The following UGGT2 variants were observed in gnomAD, a reference collection of about 807,000 sequenced individuals.
UGGT2 encodes the protein UDP-glucose:glycoprotein glucosyltransferase 2.
In UGGT2, 180 loss-of-function variants were observed where a neutral mutation model predicts 192.1. The ratio of observed to expected loss-of-function variants is 0.94; its 90% CI spans 0.83 to 1.06. The LOEUF (loss-of-function observed/expected upper bound fraction) is 1.06. Ranked by LOEUF, UGGT2 falls within the 50% of genes least tolerant of loss-of-function variation. The pLI is 0.00. For synonymous variants in UGGT2, 580 were observed against 591.0 expected, an observed-to-expected ratio of 0.98 and a Z score of 0.27; for missense variants, 1,849 against 1,795.7, an observed-to-expected ratio of 1.03 and a Z score of -0.54.
intron 30 of UGGT2, among the ~76,000 whole-genome samples, chr13:95,866,093 T>C (rs1890630676): frequency 6.6e-6 from 1 of 152,146 alleles, no homozygotes; most frequent in African/African-American, 2.4e-5. Context: ...CTGTCTCTAT[T>C]GCATTTGGTA....
intron 10 of UGGT2, among the ~76,000 whole-genome samples, chr13:95,983,062 T>G (rs1007647999): frequency 6.6e-6 from 1 of 152,176 alleles, no homozygotes; most frequent in Admixed American, 6.5e-5. Context: ...ATTAGAAAAG[T>G]AAACACTAGC....
chr13:95,832,587 C>T (rs1886827274), intron 38 of UGGT2: 7 of 343,036 alleles, frequency 2.0e-5, no homozygotes, highest in South Asian at 1.7e-4. Context: ...ATTTTTAGGA[C>T]TTGCTCAAAT....
At chr13:95,915,498 CAA>C (rs1227925121) in intron 20 of UGGT2, among the ~76,000 whole-genome samples, 8 of 152,188 alleles carry the variant, frequency 5.3e-5, no homozygotes, top group Non-Finnish European at 4.4e-5. Flanking sequence ...CATAGTCACT[CAA>C]ATACTTAGAC....
At chr13:95,815,559 CA>C (rs1884795682) in intron 38 of UGGT2, among the ~76,000 whole-genome samples, 1 of 151,986 alleles carries the variant, frequency 6.6e-6, no homozygotes, top group Non-Finnish European at 1.5e-5. Flanking sequence ...AATTAAAGAC[CA>C]AAATAAATCA....
At chr13:95,929,612 G>C (rs907206195) in intron 17 of UGGT2, among the ~76,000 whole-genome samples, 5 of 152,192 alleles carry the variant, frequency 3.3e-5, no homozygotes, top group African/African-American at 1.2e-4. Context: ...TTGCTCCAAA[G>C]GGGACGATTT....
chr13:95,823,603 G>C (rs1235802044), intron 38 of UGGT2, among the ~76,000 whole-genome samples: 1 of 151,876 alleles, frequency 6.6e-6, no homozygotes, highest in African/African-American at 2.4e-5. Flanking sequence ...GTTTTCATTT[G>C]TGTAGCTTAT....
chr13:95,860,112 A>G (rs1890016911), intron 32 of UGGT2, among the ~76,000 whole-genome samples: 1 of 152,026 alleles, frequency 6.6e-6, no homozygotes, highest in African/African-American at 2.4e-5. Flanking sequence ...AAGGATACAA[A>G]TGAATCTGAA....
At chr13:95,920,327 A>G (rs972240175) in intron 20 of UGGT2, among the ~76,000 whole-genome samples, 1 of 152,210 alleles carries the variant, frequency 6.6e-6, no homozygotes, top group African/African-American at 2.4e-5. Context: ...ATTGCAATAA[A>G]AGCAAAAATT....
At chr13:96,036,388 A>T (rs2053003861) in intron 1 of UGGT2, among the ~76,000 whole-genome samples, 1 of 152,098 alleles carries the variant, frequency 6.6e-6, no homozygotes, top group East Asian at 1.9e-4. Flanking sequence ...AACGACACAC[A>T]CTGGACTCTG....
intron 17 of UGGT2, among the ~76,000 whole-genome samples, chr13:95,929,938 C>A (rs1594360022): frequency 6.6e-6 from 1 of 152,310 alleles, no homozygotes; most frequent in East Asian, 1.9e-4. Context: ...CTCAGCCTCA[C>A]CAGCATCTGT....
intron 33 of UGGT2, among the ~76,000 whole-genome samples, chr13:95,857,111 CTT>C: frequency 6.6e-6 from 1 of 152,070 alleles, no homozygotes; most frequent in Middle Eastern, 3.4e-3. Context: ...TTTTCTCTGA[CTT>C]TGTAAGAACA....
chr13:95,889,256 CAT>C (rs1359059574), intron 25 of UGGT2, among the ~76,000 whole-genome samples: 2 of 152,054 alleles, frequency 1.3e-5, no homozygotes, highest in African/African-American at 4.8e-5. Flanking sequence ...TATCTCAAGA[CAT>C]ATAAATTTGA....
intron 36 of UGGT2, among the ~76,000 whole-genome samples, chr13:95,849,415 C>T (rs758300287): frequency 2.6e-5 from 4 of 151,732 alleles, no homozygotes; most frequent in African/African-American, 7.3e-5. Flanking sequence ...TGGTGGCAAG[C>T]GCCTGTAGTC....
intron 38 of UGGT2, among the ~76,000 whole-genome samples, chr13:95,828,853 A>G (rs1886338527): frequency 6.6e-6 from 1 of 152,230 alleles, no homozygotes; most frequent in African/African-American, 2.4e-5. Context: ...AAAGACTGGG[A>G]GAGTCACAAC....
chr13:95,960,765 A>G (rs1378415739), intron 12 of UGGT2, among the ~76,000 whole-genome samples: 1 of 152,218 alleles, frequency 6.6e-6, no homozygotes, highest in Non-Finnish European at 1.5e-5. Context: ...CAAAATTTAA[A>G]GAGAAAGAGA....
intron 1 of UGGT2, among the ~76,000 whole-genome samples, chr13:96,040,518 C>T (rs1382792313): frequency 6.6e-6 from 1 of 152,140 alleles, no homozygotes; most frequent in Non-Finnish European, 1.5e-5. Context: ...AGGTAACATT[C>T]ACAGGTTCTG....
chr13:96,034,156 GAGC>G (rs1053524373), intron 1 of UGGT2, among the ~76,000 whole-genome samples: 22 of 152,264 alleles, frequency 1.4e-4, no homozygotes, highest in Non-Finnish European at 2.5e-4. Flanking sequence ...CTGTGGATAG[GAGC>G]TACCCATTCC....
chr13:96,013,776 T>C (rs1327765381), intron 4 of UGGT2, among the ~76,000 whole-genome samples: 2 of 152,106 alleles, frequency 1.3e-5, no homozygotes, highest in Non-Finnish European at 2.9e-5. Flanking sequence ...AATTTATATT[T>C]TATGCAGTTA....
intron 17 of UGGT2, among the ~76,000 whole-genome samples, chr13:95,928,686 G>A (rs567492249): frequency 2.0e-5 from 3 of 152,162 alleles, no homozygotes; most frequent in South Asian, 4.2e-4. Flanking sequence ...TGACGGCCGG[G>A]AAGAGGTGTT....
Sources: gnomAD v4.1 joint callset for allele counts (sites outside exome capture counted in the v4.1 genomes callset) on GRCh38, gnomAD v4.1.1 for gene constraint, MANE v1.5 for transcripts, NCBI Gene and HGNC (gene_info 2026-07-23, HGNC 2026-07-21) for gene names.